The following GON4L variants were observed in gnomAD, a reference collection of about 807,000 sequenced individuals.
GON4L encodes the protein GON-4-like protein.
Under a neutral mutation model 211.8 loss-of-function variants are expected in GON4L, and 87 were observed. The observed-to-expected ratio is 0.41, with a 90% confidence interval of 0.35 to 0.49. The LOEUF (loss-of-function observed/expected upper bound fraction) is 0.49. GON4L is among the 20% of genes least tolerant of loss of function. The probability of loss-of-function intolerance (pLI) is 0.15; values close to 1 mark genes in which losing one functional copy is unlikely to be tolerated. For synonymous variants in GON4L, 875 were observed against 962.6 expected, an observed-to-expected ratio of 0.91 and a Z score of 1.68; for missense variants, 2,155 against 2,659.5, an observed-to-expected ratio of 0.81 and a Z score of 4.17.
chr1:155,765,858 G>A lies in GON4L; in HGVS notation c.3615C>T (p.Pro1205=). Residue 1205 remains proline (P), a synonymous_variant, in exon 21 of 32, where the codon CCC becomes CCT. Transcript: ENST00000368331. ...NQSLVASSVS[P]LIVSGNSVNL... ...TCACAGAATTGCCAGAAACAATTAA[G>A]GGTGAGACAGAGGAGGCCACAAGGG... 1 of 1,614,180 alleles carries A rather than the reference G, an allele frequency of 6.2e-7. No homozygotes were observed. Among genetic ancestry groups the A allele is most frequent in the Non-Finnish European group, 8.5e-7 (1 of 1,180,038 alleles).
At chr1:155,801,571 T>A (rs527556077) in intron 11 of GON4L, among the ~76,000 whole-genome samples, 103 of 152,290 alleles carry the variant, frequency 6.8e-4, no homozygotes, top group African/African-American at 2.4e-3. Context: ...CTCTCTTTTT[T>A]AAAATTTTAT....
intron 3 of GON4L, 35 bp downstream of exon 3, chr1:155,826,802 G>A: frequency 7.6e-7 from 1 of 1,315,076 alleles, no homozygotes; most frequent in Non-Finnish European, 1.1e-6. Context: ...TCAATAAAGA[G>A]GTTTCATTTA....
intron 14 of GON4L, among the ~76,000 whole-genome samples, chr1:155,778,983 T>C (rs1392469045): frequency 2.0e-5 from 3 of 152,038 alleles, no homozygotes; most frequent in Non-Finnish European, 4.4e-5. Flanking sequence ...AACCTGCTTG[T>C]TGGCCGGACG....
intron 2 of GON4L, among the ~76,000 whole-genome samples, chr1:155,827,834 C>A (rs1035683130): frequency 6.6e-6 from 1 of 151,914 alleles, no homozygotes; most frequent in African/African-American, 2.4e-5. Context: ...GAGGCTTTGT[C>A]TCTACTAAAA....
At chr1:155,781,646 A>G (rs537122415) in intron 14 of GON4L, among the ~76,000 whole-genome samples, 1 of 151,704 alleles carries the variant, frequency 6.6e-6, no homozygotes, top group African/African-American at 2.4e-5. Context: ...TATTTTTAGT[A>G]GAGACGGGGT....
At position 155,784,099 on chromosome 1, in the gene GON4L, A is replaced by G. The variant is rs1456629351; in HGVS notation, c.1789-10T>C. 8 of 1,613,470 alleles carry G rather than the reference A, an allele frequency of 5.0e-6. No homozygotes were observed. The highest frequency in any genetic ancestry group is 1.6e-4 in the Middle Eastern group (1 of 6,080). ...CCATCTCATCTTGGAACTGTGGGCA[A>G]AGGAAAGGGAGGGTTTTCCTGGGGA... On this transcript the variant is annotated splice_polypyrimidine_tract_variant and intron_variant, in intron 13 of 31. Coordinates refer to ENST00000368331, the MANE Select transcript of GON4L (RefSeq NM_001282860.2).
chr1:155,811,464 T>C (rs1667765883), intron 10 of GON4L, among the ~76,000 whole-genome samples: 1 of 148,332 alleles, frequency 6.7e-6, no homozygotes, highest in South Asian at 2.1e-4. Flanking sequence ...AAAAATAATT[T>C]GATTGATTGG....
intron 22 of GON4L, among the ~76,000 whole-genome samples, chr1:155,762,993 A>G (rs577165369): frequency 5.3e-5 from 8 of 151,954 alleles, no homozygotes; most frequent in African/African-American, 1.9e-4. Flanking sequence ...CCAAGATCGC[A>G]CCACTGCACT....
At chr1:155,796,998 G>GA (rs1666129274) in intron 11 of GON4L, among the ~76,000 whole-genome samples, 1 of 152,048 alleles carries the variant, frequency 6.6e-6, no homozygotes, top group African/African-American at 2.4e-5. Flanking sequence ...TCTTTTTGTG[G>GA]AAAAAAATTC....
Position 155,770,362 on chromosome 1 carries a change from T to G in GON4L, c.2646+705A>C, listed in dbSNP as rs191959670. Among the ~76,000 whole-genome samples the G allele has an allele frequency of 3.9e-5, 6 of 152,074 alleles. No homozygotes were observed. In the South Asian group the frequency reaches 6.2e-4, roughly 16 times the overall value. On this transcript the variant is annotated intron_variant, in intron 19 of 31. Transcript: ENST00000368331. ...CTGGGCAACAAAGTGACACAGCATC[T>G]CCACACAAAATAAAATAATGAGCTA...
At chr1:155,804,879 C>A (rs1666996433) in intron 11 of GON4L, 70 bp downstream of exon 11, 1 of 1,065,668 alleles carries the variant, frequency 9.4e-7, no homozygotes, top group Admixed American at 1.7e-5. Context: ...ATTCTATACC[C>A]TTCCAAATAC....
chr1:155,776,612 G>A (rs910046491), intron 15 of GON4L, 131 bp from the exon 16 acceptor site: 2 of 767,128 alleles, frequency 2.6e-6, no homozygotes, highest in Non-Finnish European at 4.6e-6. Context: ...GTGCAGTGAT[G>A]CAATCATGGC....
downstream of GON4L, chr1:155,746,857 T>C: frequency 1.3e-6 from 2 of 1,595,708 alleles, no homozygotes; most frequent in Non-Finnish European, 1.7e-6. Context: ...TCTCCAAGAC[T>C]TTCTGAGTGC....
downstream of GON4L, chr1:155,748,067 G>C: frequency 1.2e-6 from 2 of 1,608,162 alleles, no homozygotes; most frequent in Admixed American, 3.3e-5. Flanking sequence ...CCTTGTCCTT[G>C]GGTGGGAGCC....
At chr1:155,853,841 T>G in intron 1 of GON4L, 35 bp from the exon 2 acceptor site, 15 of 1,212,068 alleles carry the variant, frequency 1.2e-5, no homozygotes, top group Admixed American at 1.8e-5. Flanking sequence ...GCCTTCATAT[T>G]AATTAAAAGT....
At chr1:155,779,341 G>T (rs193051838) in intron 14 of GON4L, among the ~76,000 whole-genome samples, 1 of 150,862 alleles carries the variant, frequency 6.6e-6, no homozygotes, top group Non-Finnish European at 1.5e-5. Flanking sequence ...CTTTTGAGAC[G>T]GAGTCTCGCT....
Position 155,773,211 on chromosome 1 carries a change from C to T in GON4L, c.2351-1G>A. 1 of 1,613,990 alleles carries T rather than the reference C, an allele frequency of 6.2e-7. No individual in the cohort carries two copies. The highest frequency in any genetic ancestry group is 1.1e-5 in the South Asian group (1 of 91,076). ...TTTGGCAAACAGGGAAATTCATTCGCTATAAGAAAATAAATCTCGGATAAA... is the reference window on the plus strand; with the variant it reads ...TTTGGCAAACAGGGAAATTCATTCGTTATAAGAAAATAAATCTCGGATAAA... On this transcript the variant is annotated splice_acceptor_variant, in intron 17 of 31. Coordinates refer to ENST00000368331, the MANE Select transcript of GON4L (RefSeq NM_001282860.2). LOFTEE classifies it high-confidence loss of function.
intron 31 of GON4L, among the ~76,000 whole-genome samples, chr1:155,751,513 C>T (rs1660582014): frequency 6.6e-6 from 1 of 152,134 alleles, no homozygotes. Flanking sequence ...TGTGCCACTG[C>T]ACTCCAGCCT....
intron 2 of GON4L, among the ~76,000 whole-genome samples, chr1:155,852,295 C>T (rs1225199721): frequency 1.3e-5 from 2 of 152,140 alleles, no homozygotes; most frequent in Non-Finnish European, 2.9e-5. Flanking sequence ...TCTGTTAAAC[C>T]GCAATTCATC....
Sources: gnomAD v4.1 joint callset for allele counts (sites outside exome capture counted in the v4.1 genomes callset) on GRCh38, gnomAD v4.1.1 for gene constraint, MANE v1.5 for transcripts, NCBI Gene and HGNC (gene_info 2026-07-23, HGNC 2026-07-21) for gene names.